MYO1E: variants seen among roughly 807,000 people sequenced by gnomAD.
MYO1E encodes myosin IE, also known as unconventional myosin-Ie.
A neutral mutation model predicts 151.1 loss-of-function variants in MYO1E; 68 were observed. The observed-to-expected ratio is 0.45, with a 90% CI of 0.37 to 0.55. MYO1E has a LOEUF of 0.55. Among genes scored for constraint, MYO1E ranks in the 20% least tolerant of loss-of-function variants. The pLI is 0.00. For synonymous variants in MYO1E, 601 were observed against 501.7 expected (o/e 1.20, Z -2.64); for missense variants, 1,363 against 1,389.3 (o/e 0.98, Z 0.30).
chr15:59,207,368 T>C (rs1272792169), intron 14 of MYO1E: 1 of 1,614,056 alleles, frequency 6.2e-7, no homozygotes. Context: ...CTAGTGATTA[T>C]CACAGCAGGT....
intron 1 of MYO1E, among the ~76,000 whole-genome samples, chr15:59,361,071 T>C (rs1277364331): frequency 6.6e-6 from 1 of 152,144 alleles, no homozygotes; most frequent in East Asian, 1.9e-4. Context: ...ACCACTACTA[T>C]GTAAACAAGC....
At chr15:59,210,926 G>C (rs1315196821) in intron 12 of MYO1E, among the ~76,000 whole-genome samples, 1 of 152,138 alleles carries the variant, frequency 6.6e-6, no homozygotes. Context: ...ATAGGACTGG[G>C]CGCGGTGGCT....
chr15:59,367,956 C>A (rs1472412259), intron 1 of MYO1E, among the ~76,000 whole-genome samples: 1 of 151,890 alleles, frequency 6.6e-6, no homozygotes, highest in African/African-American at 2.4e-5. Context: ...CCTGTCTCTA[C>A]TAAAAATACA....
chr15:59,334,391 T>C (rs1362811786), intron 1 of MYO1E, among the ~76,000 whole-genome samples: 1 of 152,148 alleles, frequency 6.6e-6, no homozygotes, highest in Non-Finnish European at 1.5e-5. Flanking sequence ...CCTGATGTGA[T>C]TATTATGCAT....
intron 1 of MYO1E, among the ~76,000 whole-genome samples, chr15:59,362,670 G>T (rs752108152): frequency 6.6e-6 from 1 of 152,022 alleles, no homozygotes; most frequent in Non-Finnish European, 1.5e-5. Flanking sequence ...TTTCTATAAG[G>T]TCTGCATCTT....
chr15:59,163,752 G>T (rs181021201), intron 22 of MYO1E, among the ~76,000 whole-genome samples: 1 of 152,260 alleles, frequency 6.6e-6, no homozygotes, highest in East Asian at 1.9e-4. Flanking sequence ...TGAACTTGAA[G>T]AATCATAAGC....
intron 6 of MYO1E, among the ~76,000 whole-genome samples, chr15:59,228,133 G>C (rs2080003176): frequency 1.3e-5 from 2 of 152,110 alleles, no homozygotes; most frequent in South Asian, 4.1e-4. Flanking sequence ...TGCTAATAGG[G>C]AACAAAGGAG....
intron 5 of MYO1E, among the ~76,000 whole-genome samples, chr15:59,233,661 TAAAAAAAAAAAAA>T (rs11285934): frequency 1.3e-5 from 1 of 78,376 alleles, no homozygotes; most frequent in Admixed American, 1.9e-4. Context: ...AGACTCCGTC[TAAAAAAAAAAAAA>T]AAAAAAAAAA....
Position 59,272,371 on chromosome 15 carries a change from ACAGTAG to A in MYO1E, c.76_81del (p.Leu26_Leu27del). ...ACGATGGAGTTCTCTGTGATCTTGG[ACAGTAG>A]CACCATGTCGTCCACACCACTGTGC... On this transcript the variant is annotated inframe_deletion, in exon 2 of 28. Coordinates refer to ENST00000288235, the MANE Select transcript of MYO1E (RefSeq NM_004998.4). The A allele has an allele frequency of 6.2e-7, 1 of 1,614,100 alleles. No homozygotes were observed. The highest frequency in any genetic ancestry group is 8.5e-7 in the Non-Finnish European group (1 of 1,179,938).
At chr15:59,278,478 A>T (rs2080334706) in intron 1 of MYO1E, among the ~76,000 whole-genome samples, 1 of 152,138 alleles carries the variant, frequency 6.6e-6, no homozygotes, top group African/African-American at 2.4e-5. Context: ...TACTGGACTG[A>T]AACATTTACT....
chr15:59,216,643 A>AGTGTTTGTGTGTGTGTGTGTGTGTGTGT (rs2079917134), intron 10 of MYO1E, among the ~76,000 whole-genome samples: 1 of 43,452 alleles, frequency 2.3e-5, no homozygotes, highest in Non-Finnish European at 5.1e-5. Flanking sequence ...AAGGGCCCCC[A>AGTGTTTGTGTGTGTGTGTGTGTGTGTGT]GTGTGTGTGT....
intron 2 of MYO1E, among the ~76,000 whole-genome samples, chr15:59,270,709 G>C (rs1377231849): frequency 6.6e-6 from 1 of 151,644 alleles, no homozygotes; most frequent in Non-Finnish European, 1.5e-5. Flanking sequence ...TGCGATTTTG[G>C]CTTGCTGCAA....
intron 6 of MYO1E, among the ~76,000 whole-genome samples, chr15:59,229,414 T>C (rs6494079): frequency 0.25 from 37,687 of 152,158 alleles, 4,949 homozygotes; most frequent in African/African-American, 0.34. Flanking sequence ...ATAAAATGCA[T>C]ATGCATGGCT....
intron 1 of MYO1E, among the ~76,000 whole-genome samples, chr15:59,273,901 AG>A (rs2140383472): frequency 6.6e-6 from 1 of 152,286 alleles, no homozygotes; most frequent in Admixed American, 6.5e-5. Context: ...AATGAAGAAG[AG>A]AAAAATTCTA....
At chr15:59,150,097 T>C (rs539193536) in intron 26 of MYO1E, among the ~76,000 whole-genome samples, 38 of 152,360 alleles carry the variant, frequency 2.5e-4, no homozygotes, top group African/African-American at 8.9e-4. Context: ...GCTGAGCCTT[T>C]TGCCCAAGGT....
chr15:59,219,925 T>C (rs1346005300), intron 9 of MYO1E, among the ~76,000 whole-genome samples: 1 of 152,210 alleles, frequency 6.6e-6, no homozygotes, highest in African/African-American at 2.4e-5. Context: ...AGAAACTTCT[T>C]TGCGATGTGT....
chr15:59,353,369 A>AAAG (rs1555422217), intron 1 of MYO1E, among the ~76,000 whole-genome samples: 6 of 96,884 alleles, frequency 6.2e-5, no homozygotes, highest in African/African-American at 2.5e-4. Flanking sequence ...AAAAAAAAAA[A>AAAG]AAAAGAAAAG....
intron 4 of MYO1E, among the ~76,000 whole-genome samples, chr15:59,237,232 A>AT (rs2080072339): frequency 6.6e-6 from 1 of 152,198 alleles, no homozygotes. Flanking sequence ...TATTTTTGTA[A>AT]TTTAAAAAAA....
At chr15:59,216,532 T>C (rs2079915314) in intron 10 of MYO1E, among the ~76,000 whole-genome samples, 1 of 149,614 alleles carries the variant, frequency 6.7e-6, no homozygotes, top group African/African-American at 2.5e-5. Flanking sequence ...TGTCAGAATA[T>C]ATATGTGATA....
Sources: gnomAD v4.1 joint callset for allele counts (sites outside exome capture counted in the v4.1 genomes callset) on GRCh38, gnomAD v4.1.1 for gene constraint, MANE v1.5 for transcripts, NCBI Gene and HGNC (gene_info 2026-07-23, HGNC 2026-07-21) for gene names.